Variants in TEX11 observed in about 807,000 individuals in gnomAD.
TEX11 encodes testis-expressed protein 11.
A neutral mutation model predicts 84.4 loss-of-function variants in TEX11; 7 were observed. The ratio of observed to expected loss-of-function variants is 0.08; its 90% CI spans 0.05 to 0.16. TEX11 has a LOEUF of 0.16. Among genes scored for constraint, TEX11 ranks in the 10% least tolerant of loss-of-function variants. The pLI, the probability that TEX11 is intolerant of heterozygous loss-of-function variation, is 1.00. For synonymous variants in TEX11, 264 were observed against 222.8 expected, an observed-to-expected ratio of 1.18 and a Z score of -1.64; for missense variants, 551 against 660.5, an observed-to-expected ratio of 0.83 and a Z score of 1.82.
At chrX:70,845,350 C>T (rs2091473125) in intron 7 of TEX11, among the ~76,000 whole-genome samples, 1 of 109,099 alleles carries the variant, frequency 9.2e-6, no homozygotes, top group Non-Finnish European at 1.9e-5. Context: ...TTAGTAGAGA[C>T]GGGGTTTTAC....
At chrX:70,833,403 G>A (rs2091388412) in intron 8 of TEX11, 110 bp downstream of exon 8, 1 of 601,464 alleles carries the variant, frequency 1.7e-6, no homozygotes, top group Non-Finnish European at 2.7e-6. Flanking sequence ...TACTTATGTG[G>A]AACTGATCTC....
chrX:70,699,804 G>A (rs1020019367), intron 13 of TEX11, among the ~76,000 whole-genome samples: 3 of 110,227 alleles, frequency 2.7e-5, no homozygotes, highest in African/African-American at 9.9e-5. Context: ...TTATCATCTT[G>A]GTTTACAAAA....
intron 25 of TEX11, among the ~76,000 whole-genome samples, chrX:70,564,881 T>C (rs1256187637): frequency 2.7e-5 from 3 of 110,367 alleles, no homozygotes; most frequent in African/African-American, 9.9e-5. Flanking sequence ...GCATGTGTCT[T>C]TATAGCAGCA....
At chrX:70,850,047 T>C (rs764415571) in intron 7 of TEX11, among the ~76,000 whole-genome samples, 81 of 112,118 alleles carry the variant, frequency 7.2e-4, no homozygotes, top group Non-Finnish European at 5.5e-4. Flanking sequence ...AGGAAAGCTA[T>C]TCCATTATAG....
chrX:70,767,965 A>G (rs1255674110), intron 9 of TEX11, among the ~76,000 whole-genome samples: 2 of 111,306 alleles, frequency 1.8e-5, no homozygotes, highest in Admixed American at 9.6e-5. Flanking sequence ...AAGGATGGTT[A>G]CCAGAGGCTG....
intron 9 of TEX11, among the ~76,000 whole-genome samples, chrX:70,751,483 T>TGGGGTGG (rs2090824582): frequency 2.0e-5 from 1 of 50,436 alleles, no homozygotes; most frequent in Admixed American, 3.2e-4. Context: ...GGGCCTGTTG[T>TGGGGTGG]GGGGTGGGGG....
intron 7 of TEX11, among the ~76,000 whole-genome samples, chrX:70,841,186 A>T (rs1456556716): frequency 9.0e-6 from 1 of 110,890 alleles, no homozygotes; most frequent in South Asian, 3.8e-4. Context: ...CATTCTTTTC[A>T]GCACCACACC....
chrX:70,782,306 C>A (rs1324803877), intron 9 of TEX11, among the ~76,000 whole-genome samples: 1 of 111,385 alleles, frequency 9.0e-6, no homozygotes, highest in Non-Finnish European at 1.9e-5. Flanking sequence ...CTTACAAGAG[C>A]TCCTGAAGGA....
chrX:70,902,026 G>A (rs942573700), intron 2 of TEX11, among the ~76,000 whole-genome samples: 1 of 112,833 alleles, frequency 8.9e-6, no homozygotes, highest in South Asian at 3.7e-4. Context: ...GAGGAAGGAG[G>A]ATCGCTTGAG....
chrX:70,694,549 C>T (rs955567248), intron 13 of TEX11, among the ~76,000 whole-genome samples: 1 of 111,497 alleles, frequency 9.0e-6, no homozygotes, highest in Admixed American at 9.6e-5. Flanking sequence ...CTGACTATAC[C>T]AAATGTGGGT....
At chrX:70,729,827 C>T (rs1192273983) in intron 11 of TEX11, among the ~76,000 whole-genome samples, 1 of 110,671 alleles carries the variant, frequency 9.0e-6, no homozygotes, top group African/African-American at 3.3e-5. Flanking sequence ...AGATATGCCT[C>T]GAGAAGAGCA....
chrX:70,587,035 A>G (rs1380729112), intron 25 of TEX11, among the ~76,000 whole-genome samples: 1 of 112,161 alleles, frequency 8.9e-6, no homozygotes, highest in Non-Finnish European at 1.9e-5. Context: ...TAGCAAAGAG[A>G]CTGGTGGCAT....
chrX:70,625,115 C>T (rs1421026892), intron 18 of TEX11, among the ~76,000 whole-genome samples, 191 bp from the exon 19 acceptor site: 1 of 110,886 alleles, frequency 9.0e-6, no homozygotes, highest in Non-Finnish European at 1.9e-5. Flanking sequence ...TTGCATTAGC[C>T]CCGGAAACCG....
At chrX:70,782,072 G>C (rs1290988506) in intron 9 of TEX11, among the ~76,000 whole-genome samples, 2 of 111,746 alleles carry the variant, frequency 1.8e-5, no homozygotes, top group African/African-American at 6.5e-5. Flanking sequence ...CAGAAAGAAA[G>C]GTTGGGTTAC....
At chrX:70,717,719 A>G (rs1176696495) in intron 13 of TEX11, among the ~76,000 whole-genome samples, 1 of 112,251 alleles carries the variant, frequency 8.9e-6, no homozygotes, top group African/African-American at 3.2e-5. Flanking sequence ...TCTTGCTATA[A>G]AATTACTAAA....
At chrX:70,750,886 C>A in intron 9 of TEX11, among the ~76,000 whole-genome samples, 1 of 71,889 alleles carries the variant, frequency 1.4e-5, no homozygotes, top group East Asian at 5.1e-4. Context: ...CTAACCTGCA[C>A]AATGTGCACA....
intron 13 of TEX11, among the ~76,000 whole-genome samples, chrX:70,712,863 T>G (rs1459697838): frequency 9.0e-6 from 1 of 111,513 alleles, no homozygotes; most frequent in Non-Finnish European, 1.9e-5. Context: ...ATCCCTGTCT[T>G]GTGCCGGTTT....
chrX:70,752,155 C>G (rs368768693), intron 9 of TEX11, among the ~76,000 whole-genome samples: 1 of 111,716 alleles, frequency 9.0e-6, no homozygotes, highest in Non-Finnish European at 1.9e-5. Context: ...TGTTTTATGT[C>G]TCATCTTCTT....
At chrX:70,781,221 A>T (rs1301006202) in intron 9 of TEX11, among the ~76,000 whole-genome samples, 1 of 111,934 alleles carries the variant, frequency 8.9e-6, no homozygotes, top group Non-Finnish European at 1.9e-5. Flanking sequence ...CAGCTGAGGG[A>T]CCTCACTGGT....
Sources: allele counts gnomAD v4.1 joint callset (sites outside exome capture counted in the v4.1 genomes callset), GRCh38; gene constraint gnomAD v4.1.1; transcripts MANE v1.5; gene names NCBI Gene and HGNC (gene_info 2026-07-23, HGNC 2026-07-21).